Variants in ABCA10 observed in about 807,000 individuals in gnomAD.
ABCA10 encodes ATP binding cassette subfamily A member 10.
ABCA10 carries 169 observed loss-of-function variants against 187.5 expected under a neutral mutation model. The ratio of observed to expected loss-of-function variants is 0.90; its 90% CI spans 0.80 to 1.02. The LOEUF is 1.02. ABCA10 is among the 50% of genes least tolerant of loss of function. The pLI is 0.00. For synonymous variants in ABCA10, 574 were observed against 601.8 expected (o/e 0.95, Z 0.68); for missense variants, 1,727 against 1,812.4 (o/e 0.95, Z 0.86).
intron 2 of ABCA10, among the ~76,000 whole-genome samples, 151 bp downstream of exon 2, chr17:69,226,994 G>A (rs1286050660): frequency 6.6e-6 from 1 of 151,404 alleles, no homozygotes; most frequent in Non-Finnish European, 1.5e-5. Flanking sequence ...ATATCGTTTT[G>A]CAGTATTTAG....
In ABCA10 at chr17:69,222,717, T is replaced by TA. The variant is rs761640801; in HGVS notation, c.35-21dup. ...TTCTTCCTACCATGTATGAAAAACA[T>TA]AAATAAATAATCATGTAAACTTATT... is the stretch of plus-strand genomic sequence containing the variant. On this transcript the variant is annotated intron_variant, in intron 3 of 38. Transcript: ENST00000690296. The TA allele has an allele frequency of 6.5e-7, 1 of 1,541,664 alleles. No individual in the cohort carries two copies. Among genetic ancestry groups the TA allele is most frequent in the African/African-American group, 1.4e-5 (1 of 70,402 alleles).
intron 33 of ABCA10, 22 bp from the exon 34 acceptor site, chr17:69,153,421 G>C: frequency 6.2e-7 from 1 of 1,613,500 alleles, no homozygotes; most frequent in Non-Finnish European, 8.5e-7. Flanking sequence ...GGAACAGCCC[G>C]TCGGCACCCA....
At position 69,181,900 on chromosome 17, in the gene ABCA10, A is replaced by AAT. The variant is rs761704122; in HGVS notation, c.2769+251_2769+252dup. Among the ~76,000 whole-genome samples the AAT allele has an allele frequency of 3.5e-3, 530 of 150,254 alleles. 4 individuals are homozygous for AAT. The highest frequency in any genetic ancestry group is 0.011 in the African/African-American group (446 of 41,116). ...AAATGTGTATATATATTTATATGTA[A>AAT]ATATATATATATATGTATGCCATGC... On this transcript the variant is annotated intron_variant, in intron 22 of 38. Transcript: ENST00000690296.
At chr17:69,156,210 G>T (rs1027429540) in intron 28 of ABCA10, among the ~76,000 whole-genome samples, 2 of 152,064 alleles carry the variant, frequency 1.3e-5, no homozygotes, top group African/African-American at 2.4e-5. Flanking sequence ...GGGTCTTTTA[G>T]TCTGTCACCA....
intron 11 of ABCA10, among the ~76,000 whole-genome samples, chr17:69,196,015 C>T (rs2074497645): frequency 6.6e-6 from 1 of 152,246 alleles, no homozygotes; most frequent in Admixed American, 6.5e-5. Context: ...ACACTTCCCC[C>T]TCTTCCACTG....
chr17:69,244,331 A>T (rs1337411916), intron 1 of ABCA10: 1 of 152,088 alleles, frequency 6.6e-6, no homozygotes, highest in Non-Finnish European at 1.5e-5. Context: ...AGGTTTTTGC[A>T]TCATTTTTAA....
intron 25 of ABCA10, among the ~76,000 whole-genome samples, chr17:69,166,804 C>T (rs575467932): frequency 1.2e-4 from 18 of 152,238 alleles, no homozygotes; most frequent in South Asian, 2.1e-4. Context: ...TCTGCCTGAA[C>T]GCATTTTTAA....
In ABCA10 at chr17:69,225,336, G is replaced by T. The variant is rs774118949; in HGVS notation, c.23C>A (p.Ser8Tyr). The T allele has an allele frequency of 6.2e-7, 1 of 1,613,166 alleles. No individual in the cohort carries two copies. The highest frequency in any genetic ancestry group is 1.1e-5 in the South Asian group (1 of 91,018). The change falls in exon 3 of 39, where the codon TCC (serine) becomes TAC (tyrosine). Residue 8 changes from serine to tyrosine, a missense_variant. Coordinates refer to ENST00000690296, the MANE Select transcript of ABCA10 (RefSeq NM_001377321.1). MNKMALA[S>Y]FMKGRTVIGT... ...ATTGGACAACACACCTTTCATAAAG[G>T]AAGCCAAGGCCATCTTATTCATTAT...
intron 2 of ABCA10, among the ~76,000 whole-genome samples, chr17:69,226,919 C>G (rs1368389110): frequency 1.3e-5 from 2 of 151,752 alleles, no homozygotes; most frequent in Admixed American, 1.3e-4. Context: ...TTTTCAGGAG[C>G]TGTCAGATGA....
chr17:69,173,473 C>T (rs1483848937), intron 25 of ABCA10, among the ~76,000 whole-genome samples: 1 of 152,062 alleles, frequency 6.6e-6, no homozygotes, highest in African/African-American at 2.4e-5. Flanking sequence ...ACCCTGTCCA[C>T]AGAAAGAGAA....
rs1256616077 is a variant in ABCA10 at position 69,193,168 on chromosome 17, T to C, written c.1722A>G (p.Lys574=). 3.7e-6 allele frequency: 6 copies of C among 1,614,040 alleles called. No homozygotes were observed. Among genetic ancestry groups the C allele is most frequent in the East Asian group, 2.2e-5 (1 of 44,890 alleles). Residue 574 remains lysine (K), a synonymous_variant, in exon 15 of 39, where the codon AAA becomes AAG. Transcript: ENST00000690296. ...HRVWSLLKEH[K]VDRLILFSTQ... is the part of the protein sequence containing the mutation. ...TACTGAAGAGGATAAGTCGGTCTAC[T>C]TTATGCTCCTTCAGGAGGCTCCACA...
chr17:69,159,348 A>G (rs1461818294), intron 27 of ABCA10, among the ~76,000 whole-genome samples: 1 of 152,120 alleles, frequency 6.6e-6, no homozygotes, highest in Non-Finnish European at 1.5e-5. Context: ...TAGTTCCAAA[A>G]AGATAGGGGA....
At chr17:69,242,746 C>T (rs1483646025) in intron 1 of ABCA10, among the ~76,000 whole-genome samples, 1 of 152,170 alleles carries the variant, frequency 6.6e-6, no homozygotes, top group African/African-American at 2.4e-5. Flanking sequence ...TGCACCCGGT[C>T]TGAGGAATTC....
chr17:69,170,426 G>T (rs1435711066), intron 25 of ABCA10, among the ~76,000 whole-genome samples: 81 of 100,476 alleles, frequency 8.1e-4, no homozygotes, highest in Admixed American at 1.5e-3. Context: ...CATCTATATT[G>T]TTTTACTCAT....
At chr17:69,193,326 G>C in intron 14 of ABCA10, 78 bp from the exon 15 acceptor site, 2 of 1,563,522 alleles carry the variant, frequency 1.3e-6, no homozygotes, top group Admixed American at 3.8e-5. Flanking sequence ...AAACAAGTAT[G>C]ATTTCTAGAC....
At chr17:69,190,978 T>C (rs991710415) in intron 17 of ABCA10, among the ~76,000 whole-genome samples, 198 bp downstream of exon 17, 3 of 152,164 alleles carry the variant, frequency 2.0e-5, no homozygotes, top group African/African-American at 7.2e-5. Context: ...TCGGGGTTTC[T>C]ATATTCATGG....
chr17:69,195,298 T>G (rs2074489699), intron 11 of ABCA10, among the ~76,000 whole-genome samples: 1 of 152,140 alleles, frequency 6.6e-6, no homozygotes, highest in Non-Finnish European at 1.5e-5. Context: ...TACTTCGAGC[T>G]TAGTTTGATA....
At chr17:69,157,392 T>A (rs919266441) in intron 27 of ABCA10, among the ~76,000 whole-genome samples, 4 of 152,098 alleles carry the variant, frequency 2.6e-5, no homozygotes, top group Non-Finnish European at 5.9e-5. Context: ...CTTTCTCTAA[T>A]AAAGGATGGA....
At chr17:69,218,914 T>A (rs766223808) in intron 6 of ABCA10, among the ~76,000 whole-genome samples, 64 of 152,256 alleles carry the variant, frequency 4.2e-4, no homozygotes, top group Admixed American at 3.9e-4. Flanking sequence ...AAAAGCAGCA[T>A]AATTTCCCAT....
Sources: allele counts gnomAD v4.1 joint callset (sites outside exome capture counted in the v4.1 genomes callset), GRCh38; gene constraint gnomAD v4.1.1; transcripts MANE v1.5; gene names NCBI Gene and HGNC (gene_info 2026-07-23, HGNC 2026-07-21).